KCNIP4: variants seen among roughly 807,000 people sequenced by gnomAD.
The protein encoded by KCNIP4 is Kv channel-interacting protein 4.
In KCNIP4, 12 loss-of-function variants were observed where a neutral mutation model predicts 34.0. The ratio of observed to expected loss-of-function variants is 0.35; its 90% CI spans 0.23 to 0.57. The LOEUF is 0.57. Among genes scored for constraint, KCNIP4 ranks in the 20% least tolerant of loss-of-function variants. The pLI is 0.83. For synonymous variants in KCNIP4, 124 were observed against 102.2 expected (o/e 1.21, Z -1.29); for missense variants, 238 against 311.7 (o/e 0.76, Z 1.78).
intron 1 of KCNIP4, among the ~76,000 whole-genome samples, chr4:21,668,322 C>G (rs754871803): frequency 1.3e-5 from 2 of 151,886 alleles, no homozygotes; most frequent in African/African-American, 4.8e-5. Context: ...CAAACCTACA[C>G]GTTCTGCACA....
In KCNIP4 at chr4:21,584,626, C is replaced by T. The variant is rs115045384; in HGVS notation, c.61+363945G>A. ...ATAACCAATTAGCTGGCATTATTCC[C>T]CCTTTAGAGAGAGCAAGGCTCAGAC... On this transcript the variant is annotated intron_variant, in intron 1 of 8. Transcript: ENST00000382152. Among the ~76,000 whole-genome samples, 1,061 of 152,136 alleles carry T rather than the reference C, an allele frequency of 7.0e-3. 14 individuals carry two copies. Among genetic ancestry groups the T allele is most frequent in the African/African-American group, 0.024 (1,000 of 41,522 alleles).
chr4:21,050,750 C>G (rs1577599752), intron 1 of KCNIP4, among the ~76,000 whole-genome samples: 2 of 152,220 alleles, frequency 1.3e-5, no homozygotes, highest in East Asian at 3.9e-4. Context: ...TTCAGAAATA[C>G]CAAATTTATC....
At chr4:20,915,219 G>A (rs887918966) in intron 1 of KCNIP4, among the ~76,000 whole-genome samples, 4 of 152,176 alleles carry the variant, frequency 2.6e-5, no homozygotes, top group Non-Finnish European at 5.9e-5. Context: ...ACTCAAATGA[G>A]TTCAGCTTCT....
intron 1 of KCNIP4, among the ~76,000 whole-genome samples, chr4:20,927,230 G>A (rs1729996035): frequency 6.6e-6 from 1 of 152,124 alleles, no homozygotes; most frequent in Admixed American, 6.6e-5. Flanking sequence ...GCCCACCTTG[G>A]CCTCCCAAAG....
chr4:20,903,596 C>T (rs1235438462), intron 1 of KCNIP4, among the ~76,000 whole-genome samples: 1 of 152,082 alleles, frequency 6.6e-6, no homozygotes, highest in Admixed American at 6.5e-5. Context: ...CTGAAGCCCC[C>T]ACTTTGAGTT....
intron 1 of KCNIP4, among the ~76,000 whole-genome samples, chr4:21,947,374 G>A (rs1009160726): frequency 6.6e-6 from 1 of 152,172 alleles, no homozygotes; most frequent in South Asian, 2.1e-4. Context: ...TCAAATGTGG[G>A]GCTTTACAGG....
intron 1 of KCNIP4, among the ~76,000 whole-genome samples, chr4:21,752,138 G>A (rs774723407): frequency 6.6e-5 from 10 of 152,084 alleles, no homozygotes; most frequent in Non-Finnish European, 1.3e-4. Flanking sequence ...CACCTGCCTT[G>A]GAAGGTGATA....
At chr4:21,432,134 A>ATG (rs2109670150) in intron 1 of KCNIP4, among the ~76,000 whole-genome samples, 2 of 123,050 alleles carry the variant, frequency 1.6e-5, no homozygotes, top group South Asian at 5.2e-4. Flanking sequence ...ATATATATAT[A>ATG]TATACAATCT....
intron 1 of KCNIP4, among the ~76,000 whole-genome samples, chr4:21,132,116 G>GA (rs1221568224): frequency 1.7e-4 from 26 of 152,196 alleles, no homozygotes; most frequent in Non-Finnish European, 2.1e-4. Context: ...TTTAAAATGT[G>GA]AAAAAAAGAG....
chr4:21,289,467 C>T (rs1763308993), intron 1 of KCNIP4, among the ~76,000 whole-genome samples: 1 of 152,126 alleles, frequency 6.6e-6, no homozygotes, highest in African/African-American at 2.4e-5. Flanking sequence ...TTTTTTTCTA[C>T]TGCAAATTGC....
intron 1 of KCNIP4, among the ~76,000 whole-genome samples, chr4:20,985,648 T>C (rs959956455): frequency 1.3e-5 from 2 of 152,138 alleles, no homozygotes; most frequent in Admixed American, 1.3e-4. Context: ...CTCAGCTCTG[T>C]CTTTTGGGGG....
intron 8 of KCNIP4, chr4:20,731,583 A>G: frequency 1.0e-6 from 1 of 985,410 alleles, no homozygotes; most frequent in Non-Finnish European, 1.2e-6. Context: ...CTTTTCTCTT[A>G]GAAATCAGAT....
intron 1 of KCNIP4, among the ~76,000 whole-genome samples, chr4:21,005,940 A>T (rs1738516401): frequency 6.6e-6 from 1 of 152,192 alleles, no homozygotes; most frequent in Admixed American, 6.5e-5. Context: ...ACTTTGGTTG[A>T]TCTACTCATT....
chr4:21,072,476 T>A (rs1217095449), intron 1 of KCNIP4, among the ~76,000 whole-genome samples: 1 of 151,260 alleles, frequency 6.6e-6, no homozygotes, highest in Admixed American at 6.6e-5. Context: ...CTTCACCCTC[T>A]TTTTGATGGG....
At chr4:21,611,746 T>G (rs1420025550) in intron 1 of KCNIP4, among the ~76,000 whole-genome samples, 2 of 90,742 alleles carry the variant, frequency 2.2e-5, no homozygotes, top group Non-Finnish European at 4.2e-5. Flanking sequence ...AGATGTACCA[T>G]ACATTTTTTG....
intron 1 of KCNIP4, among the ~76,000 whole-genome samples, chr4:21,396,755 G>A (rs1175414667): frequency 6.6e-6 from 1 of 152,088 alleles, no homozygotes; most frequent in Non-Finnish European, 1.5e-5. Context: ...GGTGAAAGCA[G>A]TGTTGGAGTA....
At chr4:21,276,174 C>T (rs1476807713) in intron 1 of KCNIP4, among the ~76,000 whole-genome samples, 1 of 152,162 alleles carries the variant, frequency 6.6e-6, no homozygotes, top group African/African-American at 2.4e-5. Flanking sequence ...CAACACACAA[C>T]CAGGCGCCAC....
chr4:20,791,774 C>A (rs1210664349), intron 3 of KCNIP4, among the ~76,000 whole-genome samples: 3 of 152,110 alleles, frequency 2.0e-5, no homozygotes, highest in African/African-American at 7.2e-5. Flanking sequence ...TGAAGGTATT[C>A]TTGAATGGGA....
intron 1 of KCNIP4, among the ~76,000 whole-genome samples, chr4:21,092,904 C>T (rs752221201): frequency 1.2e-4 from 18 of 152,174 alleles, no homozygotes; most frequent in Non-Finnish European, 2.5e-4. Flanking sequence ...GATCTGAAAG[C>T]ACCAGTTAAG....
Sources: allele counts gnomAD v4.1 joint callset (sites outside exome capture counted in the v4.1 genomes callset), GRCh38; gene constraint gnomAD v4.1.1; transcripts MANE v1.5; gene names NCBI Gene and HGNC (gene_info 2026-07-23, HGNC 2026-07-21).